Variants in TMC1 observed in about 807,000 individuals in gnomAD.
TMC1 encodes the protein transmembrane channel-like protein 1.
TMC1 carries 84 observed loss-of-function variants against 105.8 expected under a neutral mutation model. That is an observed-to-expected ratio of 0.79 (90% CI 0.67 to 0.95). TMC1 has a LOEUF of 0.95. Among genes scored for constraint, TMC1 ranks in the 40% least tolerant of loss-of-function variants. The pLI is 0.00. For missense variants in TMC1, 817 were observed against 914.1 expected, an observed-to-expected ratio of 0.89 and a Z score of 1.37; for synonymous variants, 315 against 311.5, an observed-to-expected ratio of 1.01 and a Z score of -0.12.
intron 8 of TMC1, among the ~76,000 whole-genome samples, chr9:72,717,867 C>A (rs1008139193): frequency 1.3e-5 from 2 of 152,148 alleles, no homozygotes; most frequent in South Asian, 4.2e-4. Context: ...AAGTTTTCCT[C>A]TATTATTCCC....
intron 8 of TMC1, among the ~76,000 whole-genome samples, chr9:72,729,428 T>G (rs1269184885): frequency 6.6e-6 from 1 of 152,124 alleles, no homozygotes; most frequent in Admixed American, 6.5e-5. Context: ...CTGCTTGTTT[T>G]CAGATAGTCA....
chr9:72,789,446 C>A, intron 15 of TMC1, 129 bp downstream of exon 15: 1 of 807,324 alleles, frequency 1.2e-6, no homozygotes, highest in Non-Finnish European at 2.1e-6. Flanking sequence ...TACAGTTAAC[C>A]AACCCTGTTG....
At chr9:72,789,789 T>C (rs976875075) in intron 15 of TMC1, among the ~76,000 whole-genome samples, 4 of 152,202 alleles carry the variant, frequency 2.6e-5, no homozygotes, top group Non-Finnish European at 5.9e-5. Flanking sequence ...GATTCCTATG[T>C]TGATCTCACT....
intron 1 of TMC1, among the ~76,000 whole-genome samples, chr9:72,550,013 G>T (rs1420154259): frequency 6.6e-6 from 1 of 151,852 alleles, no homozygotes; most frequent in East Asian, 2.0e-4. Flanking sequence ...TTCCCAAAGT[G>T]CTAGGATTAC....
chr9:72,627,370 G>A (rs1003215505), intron 3 of TMC1, among the ~76,000 whole-genome samples: 3 of 152,178 alleles, frequency 2.0e-5, no homozygotes, highest in East Asian at 1.9e-4. Context: ...GGGGGTCAAG[G>A]CCTCCTTGAC....
chr9:72,607,002 T>TATATATATATAGAGAGAGAGAG (rs372785242), intron 2 of TMC1, among the ~76,000 whole-genome samples: 3 of 134,906 alleles, frequency 2.2e-5, no homozygotes, highest in East Asian at 2.1e-4. Flanking sequence ...TATATATATA[T>TATATATATATAGAGAGAGAGAG]AGAGAGAGAG....
chr9:72,805,380 A>C lies in TMC1; in HGVS notation c.1567-2A>C, dbSNP rs1377110863. On this transcript the variant is annotated splice_acceptor_variant, in intron 17 of 23. Coordinates refer to ENST00000297784, the MANE Select transcript of TMC1 (RefSeq NM_138691.3). LOFTEE classifies it high-confidence loss of function. ...GTTTTAATAGAGATAATATCTCAAC[A>C]GGAGTTTGTGAGGCTGACAGTCTCT... 1.2e-6 allele frequency: 2 copies of C among 1,613,818 alleles called. No homozygotes were observed. Among genetic ancestry groups the C allele is most frequent in the Non-Finnish European group, 1.7e-6 (2 of 1,179,798 alleles).
rs71357591 is a variant in TMC1, at chr9:72,584,784, C to CTTTTTTTTTT, written c.-306+6770_-306+6779dup. Among the ~76,000 whole-genome samples, 86 of 112,972 alleles carry CTTTTTTTTTT rather than the reference C, an allele frequency of 7.6e-4. 2 individuals are homozygous for CTTTTTTTTTT. The highest frequency in any genetic ancestry group is 9.2e-4 in the Non-Finnish European group (53 of 57,748). 74.1% of individuals were successfully genotyped at this position (112,972 alleles called of 152,430 possible). The stretch of plus-strand genomic sequence containing the variant: ...GTAGTTCTCCTTTTTCTTTTCTTTT[C>CTTTTTTTTTT]TTTTTTTTTTTTTTTTTTGAGACAG... On this transcript the variant is annotated intron_variant, in intron 2 of 23. Transcript: ENST00000297784.
chr9:72,649,969 G>A (rs1389744757), intron 5 of TMC1, among the ~76,000 whole-genome samples: 1 of 152,142 alleles, frequency 6.6e-6, no homozygotes, highest in Non-Finnish European at 1.5e-5. Context: ...TATTCCTGCT[G>A]TTTATTAGTG....
chr9:72,807,797 C>T (rs1044577701), intron 18 of TMC1, among the ~76,000 whole-genome samples: 21 of 152,308 alleles, frequency 1.4e-4, no homozygotes, highest in Middle Eastern at 6.8e-3. Flanking sequence ...CAAGGAAGGC[C>T]TAGTTTGCTG....
intron 15 of TMC1, among the ~76,000 whole-genome samples, chr9:72,791,464 A>G (rs1282727691): frequency 2.0e-5 from 3 of 152,216 alleles, no homozygotes; most frequent in Non-Finnish European, 2.9e-5. Context: ...AAACTAGCCC[A>G]TATGCTGATG....
rs201237858 is a variant in TMC1, at chr9:72,832,045, TC to T, written c.2260+1366del. ...ATCTCGGCTCACTGCAGCTCCAACT[TC>T]CCAGGCTGAAGTGATCCTTCCTCCT... On this transcript the variant is annotated intron_variant, in intron 23 of 23. Transcript: ENST00000297784. Among the ~76,000 whole-genome samples, 1,305 of 151,758 alleles carry T rather than the reference TC, an allele frequency of 8.6e-3. 17 individuals carry two copies. Among genetic ancestry groups the T allele is most frequent in the African/African-American group, 0.03 (1,243 of 41,320 alleles).
intron 1 of TMC1, among the ~76,000 whole-genome samples, chr9:72,571,501 G>A (rs1824284517): frequency 6.8e-6 from 1 of 147,578 alleles, no homozygotes; most frequent in African/African-American, 2.5e-5. Flanking sequence ...AGGCTGGAGT[G>A]CAATGGTGCA....
chr9:72,605,255 G>T (rs1404779371), intron 2 of TMC1, among the ~76,000 whole-genome samples: 1 of 152,128 alleles, frequency 6.6e-6, no homozygotes, highest in Non-Finnish European at 1.5e-5. Flanking sequence ...AAATTTAGCA[G>T]CTTAAAACAA....
intron 8 of TMC1, among the ~76,000 whole-genome samples, chr9:72,726,731 C>T (rs1194424312): frequency 6.6e-6 from 1 of 152,164 alleles, no homozygotes; most frequent in African/African-American, 2.4e-5. Flanking sequence ...AAGAGAAAAA[C>T]TAAAGACTTC....
At chr9:72,687,301 A>G (rs1362278977) in intron 5 of TMC1, among the ~76,000 whole-genome samples, 1 of 152,162 alleles carries the variant, frequency 6.6e-6, no homozygotes, top group Non-Finnish European at 1.5e-5. Context: ...ACCCTGCTCC[A>G]ATGTTAATCT....
chr9:72,530,962 A>G (rs1297724520), intron 1 of TMC1, among the ~76,000 whole-genome samples: 1 of 151,586 alleles, frequency 6.6e-6, no homozygotes, highest in African/African-American at 2.4e-5. Context: ...CTGGGACTAC[A>G]GGCGCCTGCC....
At chr9:72,727,008 AGTCT>A (rs1233338434) in intron 8 of TMC1, among the ~76,000 whole-genome samples, 2 of 152,240 alleles carry the variant, frequency 1.3e-5, no homozygotes, top group African/African-American at 2.4e-5. Context: ...AAATTAGCAC[AGTCT>A]GTCTATCAAG....
At chr9:72,760,880 A>T (rs1260243331) in intron 12 of TMC1, among the ~76,000 whole-genome samples, 1 of 152,136 alleles carries the variant, frequency 6.6e-6, no homozygotes, top group Admixed American at 6.5e-5. Context: ...CCTCCTCTCC[A>T]TACCCATGAA....
Sources: allele counts gnomAD v4.1 joint callset (sites outside exome capture counted in the v4.1 genomes callset), GRCh38; gene constraint gnomAD v4.1.1; transcripts MANE v1.5; gene names NCBI Gene and HGNC (gene_info 2026-07-23, HGNC 2026-07-21).